THSD7B: variants seen among roughly 807,000 people sequenced by gnomAD.
THSD7B encodes the protein thrombospondin type 1 domain containing 7B.
THSD7B carries 138 observed loss-of-function variants against 213.6 expected under a neutral mutation model. That is an observed-to-expected ratio of 0.65 (90% CI 0.56 to 0.74). The LOEUF (loss-of-function observed/expected upper bound fraction) is 0.74, where lower values mean the gene tolerates loss of function less well. THSD7B is among the 30% of genes least tolerant of loss of function. The probability of loss-of-function intolerance (pLI) is 0.00; values close to 1 mark genes in which losing one functional copy is unlikely to be tolerated. For synonymous variants in THSD7B, 742 were observed against 687.0 expected (o/e 1.08, Z -1.25); for missense variants, 1,931 against 1,991.5 (o/e 0.97, Z 0.58).
chr2:136,817,527 A>G (rs1216484959), intron 1 of THSD7B, among the ~76,000 whole-genome samples: 1 of 150,726 alleles, frequency 6.6e-6, no homozygotes, highest in Non-Finnish European at 1.5e-5. Context: ...TCCATCTTGA[A>G]TTGATTTTTG....
chr2:136,864,688 G>A (rs1683306343), intron 1 of THSD7B, among the ~76,000 whole-genome samples: 1 of 152,090 alleles, frequency 6.6e-6, no homozygotes, highest in Non-Finnish European at 1.5e-5. Flanking sequence ...GAGTAGCTGG[G>A]ACCACAGGCT....
intron 2 of THSD7B, among the ~76,000 whole-genome samples, chr2:136,985,421 A>C (rs2104811059): frequency 6.6e-6 from 1 of 152,300 alleles, no homozygotes; most frequent in South Asian, 2.1e-4. Context: ...GCCACAGCTG[A>C]AAGGGCCCCA....
At chr2:137,017,984 C>CTTT (rs557685032) in intron 2 of THSD7B, among the ~76,000 whole-genome samples, 68 of 140,304 alleles carry the variant, frequency 4.8e-4, no homozygotes, top group African/African-American at 1.5e-3. Flanking sequence ...TTTGTCTTCC[C>CTTT]TTTTTTTTTT....
chr2:137,473,282 C>T (rs532297135), intron 15 of THSD7B, among the ~76,000 whole-genome samples: 4 of 151,904 alleles, frequency 2.6e-5, no homozygotes, highest in African/African-American at 4.8e-5. Flanking sequence ...TGCGGTGGTG[C>T]GATCTCAGCT....
intron 2 of THSD7B, among the ~76,000 whole-genome samples, chr2:136,941,128 A>G (rs188773193): frequency 1.1e-4 from 17 of 152,230 alleles, no homozygotes; most frequent in African/African-American, 3.9e-4. Flanking sequence ...TCCTTGTGAC[A>G]GTTTGCTCAG....
intron 17 of THSD7B, among the ~76,000 whole-genome samples, chr2:137,573,397 C>A (rs562809124): frequency 6.6e-6 from 1 of 151,972 alleles, no homozygotes; most frequent in Non-Finnish European, 1.5e-5. Context: ...CAGTTAATAT[C>A]GTATGTTTAG....
chr2:137,264,986 C>T lies in THSD7B; in HGVS notation c.2267-7547C>T, dbSNP rs532442779. Among the ~76,000 whole-genome samples, 90 of 152,042 alleles carry T rather than the reference C, an allele frequency of 5.9e-4. No individual in the cohort carries two copies. The Middle Eastern group carries it at 0.014, about 23-fold the overall frequency. ...ATGCTATCCCTCCCCTCTCCCCCCACGCCACAACAGTCCCCAGAGTGTGAT... is the reference window on the plus strand; with the variant it reads ...ATGCTATCCCTCCCCTCTCCCCCCATGCCACAACAGTCCCCAGAGTGTGAT... On this transcript the variant is annotated intron_variant, in intron 10 of 27. Coordinates refer to ENST00000409968, the MANE Select transcript of THSD7B (RefSeq NM_001316349.2).
intron 17 of THSD7B, among the ~76,000 whole-genome samples, chr2:137,605,597 T>C (rs1682157519): frequency 6.8e-6 from 1 of 146,442 alleles, no homozygotes; most frequent in Non-Finnish European, 1.5e-5. Flanking sequence ...GCCATAGTGT[T>C]AAAAGTAAAA....
intron 2 of THSD7B, among the ~76,000 whole-genome samples, chr2:137,024,601 A>G (rs1356413262): frequency 6.6e-6 from 1 of 152,116 alleles, no homozygotes; most frequent in Non-Finnish European, 1.5e-5. Context: ...TTATTTCATT[A>G]TAATAAGGCC....
At chr2:137,493,571 T>C (rs1679484687) in intron 15 of THSD7B, among the ~76,000 whole-genome samples, 1 of 152,174 alleles carries the variant, frequency 6.6e-6, no homozygotes, top group Non-Finnish European at 1.5e-5. Flanking sequence ...TCTATTATCA[T>C]CTTCAAGTAA....
intron 2 of THSD7B, among the ~76,000 whole-genome samples, chr2:136,986,799 A>G (rs570110516): frequency 2.6e-5 from 4 of 152,312 alleles, no homozygotes; most frequent in South Asian, 2.1e-4. Flanking sequence ...GTAAACTGCC[A>G]TTGTAAAATC....
chr2:136,790,113 G>A (rs1464280503), intron 1 of THSD7B, among the ~76,000 whole-genome samples: 4 of 145,986 alleles, frequency 2.7e-5, no homozygotes, highest in African/African-American at 7.6e-5. Context: ...TGGTTTGTGT[G>A]TGTGTTTGTG....
In THSD7B at chr2:136,954,740, T is replaced by TAAAAAAAAAAAAAAAAAAAAAG. The variant is rs773677139; in HGVS notation, c.139+72424_139+72425insAAAAAAAAAAAAAAAAAAAAGA. Among the ~76,000 whole-genome samples the TAAAAAAAAAAAAAAAAAAAAAG allele has an allele frequency of 1.2e-4, 16 of 137,490 alleles. 1 individual carries two copies. Among genetic ancestry groups the TAAAAAAAAAAAAAAAAAAAAAG allele is most frequent in the African/African-American group, 4.9e-4 (16 of 32,334 alleles). The allele number at this position is 137,490 out of a possible 152,430, so 90.2% of individuals were successfully genotyped here. On this transcript the variant is annotated intron_variant, in intron 2 of 27. Transcript: ENST00000409968. ...AAAAAAAAAAAAAAAAAAAAGAAAT[T>TAAAAAAAAAAAAAAAAAAAAAG]ACATAAGAGCTTTTATACTGTTTAT...
intron 3 of THSD7B, among the ~76,000 whole-genome samples, chr2:137,081,399 C>G (rs1158073133): frequency 6.6e-6 from 1 of 151,994 alleles, no homozygotes; most frequent in Non-Finnish European, 1.5e-5. Context: ...TCTTATTTAT[C>G]TGTATTTTTG....
Position 137,335,003 on chromosome 2 carries a change from G to C in THSD7B, c.2500+58977G>C, listed in dbSNP as rs796962452. Among the ~76,000 whole-genome samples the C allele has an allele frequency of 8.5e-5, 13 of 152,272 alleles. 1 individual carries two copies. The highest frequency in any genetic ancestry group is 3.1e-4 in the African/African-American group (13 of 41,554). ...TCAAGAGGTGACTTCTGCCATGATT[G>C]TAAGTTTCCTGAGGCCTCCCAGCAA... On this transcript the variant is annotated intron_variant, in intron 12 of 27. Coordinates refer to ENST00000409968, the MANE Select transcript of THSD7B (RefSeq NM_001316349.2).
chr2:137,672,169 G>GA (rs982873790), intron 27 of THSD7B, among the ~76,000 whole-genome samples: 9 of 151,594 alleles, frequency 5.9e-5, no homozygotes, highest in South Asian at 2.1e-4. Flanking sequence ...AACAGTATAG[G>GA]AAAAAAAATC....
At chr2:137,035,980 A>G (rs1189176793) in intron 2 of THSD7B, among the ~76,000 whole-genome samples, 2 of 152,208 alleles carry the variant, frequency 1.3e-5, no homozygotes, top group East Asian at 3.8e-4. Flanking sequence ...ATGATATACT[A>G]CCTACCACAT....
intron 2 of THSD7B, among the ~76,000 whole-genome samples, chr2:136,992,097 T>A (rs1006346003): frequency 6.6e-6 from 1 of 152,248 alleles, no homozygotes; most frequent in Non-Finnish European, 1.5e-5. Context: ...TATATAATTT[T>A]ATTCCAGACT....
intron 7 of THSD7B, among the ~76,000 whole-genome samples, chr2:137,215,380 A>G (rs961917380): frequency 3.9e-5 from 6 of 152,170 alleles, no homozygotes; most frequent in African/African-American, 1.4e-4. Context: ...TTCTCATCCT[A>G]TTCTACAAAA....
Sources: gnomAD v4.1 joint callset for allele counts (sites outside exome capture counted in the v4.1 genomes callset) on GRCh38, gnomAD v4.1.1 for gene constraint, MANE v1.5 for transcripts, NCBI Gene and HGNC (gene_info 2026-07-23, HGNC 2026-07-21) for gene names.